Variants in CPD observed in about 807,000 individuals in gnomAD.
CPD encodes the protein metallocarboxypeptidase D.
In CPD, 69 loss-of-function variants were observed where a neutral mutation model predicts 138.3. The observed-to-expected ratio is 0.50, with a 90% CI of 0.41 to 0.61. The LOEUF (loss-of-function observed/expected upper bound fraction) is 0.61. Ranked by LOEUF, CPD falls within the 20% of genes least tolerant of loss-of-function variation. The pLI is 0.00. For missense variants in CPD, 1,432 were observed against 1,733.3 expected (o/e 0.83, Z 3.09); for synonymous variants, 651 against 642.1 (o/e 1.01, Z -0.21).
rs780102004 is a variant in CPD, at chr17:30,423,011, G to A, written c.1645G>A (p.Val549Ile). 1.2e-6 allele frequency: 2 copies of A among 1,609,644 alleles called. No homozygotes were observed. Among genetic ancestry groups the A allele is most frequent in the East Asian group, 4.5e-5 (2 of 44,844 alleles). The change falls in exon 5 of 21, where the codon GTC (valine) becomes ATC (isoleucine). Residue 549 changes from valine (V) to isoleucine (I), a missense_variant. Transcript: ENST00000225719. Reference sequence around the variant, plus strand: ...GATGGAGATATCTGATAATCCGGGTGTCCATGAACCAGGTAATTGGTATGG... The same window carrying A: ...GATGGAGATATCTGATAATCCGGGTATCCATGAACCAGGTAATTGGTATGG... ...YVMEISDNPG[V>I]HEPGEPEFKY...
intron 2 of CPD, among the ~76,000 whole-genome samples, chr17:30,414,478 G>A (rs1193243754): frequency 1.3e-5 from 2 of 152,036 alleles, no homozygotes; most frequent in Non-Finnish European, 2.9e-5. Flanking sequence ...AGCTACTCGG[G>A]AAGCTGAGGC....
intron 2 of CPD, among the ~76,000 whole-genome samples, chr17:30,394,901 A>ATGTG (rs113868957): frequency 0.5 from 74,377 of 148,194 alleles, 18,335 homozygotes; most frequent in East Asian, 0.63. Flanking sequence ...GCATGTGTGT[A>ATGTG]TGTGTGTGTG....
At chr17:30,425,485 T>C (rs991380937) in intron 6 of CPD, among the ~76,000 whole-genome samples, 2 of 151,926 alleles carry the variant, frequency 1.3e-5, no homozygotes, top group African/African-American at 2.4e-5. Flanking sequence ...TGAAACCCTG[T>C]TTCTACTAAA....
intron 18 of CPD, 130 bp downstream of exon 18, chr17:30,461,441 G>T (rs942912576): frequency 1.6e-5 from 10 of 644,380 alleles, no homozygotes; most frequent in Admixed American, 4.2e-5. Flanking sequence ...AAGAGTTTTG[G>T]TCATTTTATG....
chr17:30,408,538 T>G (rs1008705262), intron 2 of CPD, among the ~76,000 whole-genome samples: 1 of 151,716 alleles, frequency 6.6e-6, no homozygotes, highest in South Asian at 2.1e-4. Context: ...TTGTAAGTTG[T>G]ATTCCTAGGT....
In CPD at chr17:30,439,087, C is replaced by G; in HGVS notation, c.2230+10C>G. On this transcript the variant is annotated intron_variant, in intron 9 of 20. Transcript: ENST00000225719. ...TGGTATAATGTGCCAGGTAAAGATT[C>G]TTTTATATCAAGGCCTTACAACTTG... 6.6e-7 allele frequency: 1 copy of G among 1,522,734 alleles called. No individual in the cohort carries two copies. The highest frequency in any genetic ancestry group is 8.9e-7 in the Non-Finnish European group (1 of 1,119,266). 94.3% of individuals were successfully genotyped at this position (1,522,734 alleles called of 1,614,324 possible).
At chr17:30,458,654 G>C (rs563880442) in intron 17 of CPD, among the ~76,000 whole-genome samples, 1 of 151,934 alleles carries the variant, frequency 6.6e-6, no homozygotes, top group African/African-American at 2.4e-5. Context: ...ATCATTTGAT[G>C]TCAGGAGTTC....
rs1352536863 is a variant in CPD, at chr17:30,466,314, A to G, written c.*1500A>G. 1 of 152,622 alleles carries G rather than the reference A, an allele frequency of 6.6e-6. No individual in the cohort carries two copies. Among genetic ancestry groups the G allele is most frequent in the Non-Finnish European group, 1.5e-5 (1 of 68,024 alleles). The allele number at this position is 152,622 out of a possible 1,614,324, so 9.5% of individuals were successfully genotyped here. On this transcript the variant is annotated 3_prime_UTR_variant, in exon 21 of 21. Transcript: ENST00000225719. ...TATCCATTAATGTATCAGTTATCCC[A>G]AAGCCTTCAGGTGGAGGGGTTTACC...
At chr17:30,395,308 A>C (rs951217282) in intron 2 of CPD, among the ~76,000 whole-genome samples, 1 of 151,828 alleles carries the variant, frequency 6.6e-6, no homozygotes, top group Non-Finnish European at 1.5e-5. Flanking sequence ...TCATATTTTA[A>C]AGGTACAGTT....
chr17:30,438,302 C>T (rs768637759), intron 8 of CPD, among the ~76,000 whole-genome samples: 7 of 152,022 alleles, frequency 4.6e-5, no homozygotes, highest in Non-Finnish European at 7.4e-5. Context: ...CCCCCTGCCA[C>T]TCTCATCAGA....
intron 1 of CPD, among the ~76,000 whole-genome samples, chr17:30,384,491 A>AT (rs988401850): frequency 3.3e-5 from 5 of 152,126 alleles, no homozygotes; most frequent in African/African-American, 4.8e-5. Context: ...TGAAATTGTC[A>AT]TTTTTTTAGG....
At position 30,445,929 on chromosome 17, in the gene CPD, C is replaced by G. The variant is rs773084029; in HGVS notation, c.2782C>G (p.Leu928Val). 1 of 1,614,096 alleles carries G rather than the reference C, an allele frequency of 6.2e-7. No individual in the cohort carries two copies. The highest frequency in any genetic ancestry group is 8.5e-7 in the Non-Finnish European group (1 of 1,179,994). The change falls in exon 12 of 21, where the codon CTG becomes GTG. Residue 928 changes from leucine (L) to valine (V), a missense_variant. By Grantham distance (32) the Leu-to-Val change is conservative. Around this residue, in one of 6 missense-constraint regions of CPD, gnomAD observed 124 missense variants for 117.0 expected, o/e 1.06. Transcript: ENST00000225719. ...LMLRSSSNLA[L>V]ALYRYHSYKD... is the part of the protein sequence containing the mutation. Reference sequence around the variant, plus strand: ...GTTACGCTCCTCCTCAAATCTGGCTCTGGCTCTTTATCGATACCATTCCTA... The same window carrying G: ...GTTACGCTCCTCCTCAAATCTGGCTGTGGCTCTTTATCGATACCATTCCTA...
intron 1 of CPD, chr17:30,380,587 A>G (rs778432824): frequency 5.6e-5 from 84 of 1,506,730 alleles, no homozygotes; most frequent in Non-Finnish European, 5.9e-5. Context: ...AAAGTAGAAG[A>G]AGGAGGACCT....
intron 2 of CPD, among the ~76,000 whole-genome samples, chr17:30,414,650 A>G (rs1378818733): frequency 2.0e-5 from 3 of 152,104 alleles, no homozygotes; most frequent in East Asian, 1.9e-4. Context: ...ACAGGGCCAC[A>G]GCAATGGACA....
intron 7 of CPD, among the ~76,000 whole-genome samples, chr17:30,430,861 C>T (rs1912543748): frequency 6.6e-6 from 1 of 151,830 alleles, no homozygotes; most frequent in African/African-American, 2.4e-5. Flanking sequence ...CAGTGTTGCC[C>T]AGGCTGATCT....
intron 18 of CPD, 108 bp from the exon 19 acceptor site, chr17:30,461,769 T>G: frequency 4.7e-6 from 4 of 848,778 alleles, no homozygotes; most frequent in East Asian, 2.5e-5. Context: ...TGTGTGTGGT[T>G]TTTGTTTTGT....
chr17:30,435,520 T>A lies in CPD; in HGVS notation c.2128-3455T>A, dbSNP rs1283917238. On this transcript the variant is annotated intron_variant, in intron 8 of 20. Coordinates refer to ENST00000225719, the MANE Select transcript of CPD (RefSeq NM_001304.5). ...CACCCCAAAATTAGCTTAAAATAGG[T>A]CATAAACCTAAATATAGGAACTAAA... Among the ~76,000 whole-genome samples, 4 of 152,128 alleles carry A rather than the reference T, an allele frequency of 2.6e-5. No individual in the cohort carries two copies. The South Asian group carries it at 8.3e-4, about 32-fold the overall frequency.
chr17:30,463,131 A>C (rs1197700862), intron 20 of CPD, among the ~76,000 whole-genome samples: 1 of 152,162 alleles, frequency 6.6e-6, no homozygotes, highest in Non-Finnish European at 1.5e-5. Context: ...GGGCCAGTTT[A>C]TGGCCATATT....
chr17:30,439,059 A>G lies in CPD; in HGVS notation c.2212A>G (p.Ser738Gly). Reference sequence around the variant, plus strand: ...TCCTCATGGAATAACAAATGGAGCTAGTTGGTATAATGTGCCAGGTAAAGA... The same window carrying G: ...TCCTCATGGAATAACAAATGGAGCTGGTTGGTATAATGTGCCAGGTAAAGA... ...YFPHGITNGA[S>G]WYNVPGGMQD... Residue 738 changes from serine (S) to glycine (G), a missense_variant, in exon 9 of 21, where the codon AGT (serine) becomes GGT (glycine). Coordinates refer to ENST00000225719, the MANE Select transcript of CPD (RefSeq NM_001304.5). The G allele has an allele frequency of 6.3e-7, 1 of 1,590,718 alleles. No individual in the cohort carries two copies. Among genetic ancestry groups the G allele is most frequent in the South Asian group, 1.2e-5 (1 of 86,326 alleles).
Sources: allele counts gnomAD v4.1 joint callset (sites outside exome capture counted in the v4.1 genomes callset), GRCh38; gene constraint gnomAD v4.1.1; regional missense constraint gnomAD v4.1.1; transcripts MANE v1.5; gene names NCBI Gene and HGNC (gene_info 2026-07-23, HGNC 2026-07-21).